The following ADAMTS10 variants were observed in gnomAD, a reference collection of about 807,000 sequenced individuals.
ADAMTS10 encodes ADAM metallopeptidase with thrombospondin type 1 motif 10.
Under a neutral mutation model 135.9 loss-of-function variants are expected in ADAMTS10, and 48 were observed. The ratio of observed to expected loss-of-function variants is 0.35; its 90% confidence interval spans 0.28 to 0.45. The LOEUF is 0.45. Among genes scored for constraint, ADAMTS10 ranks in the 20% least tolerant of loss-of-function variants. ADAMTS10 has a pLI of 1.00. For missense variants in ADAMTS10, 1,131 were observed against 1,565.2 expected, an observed-to-expected ratio of 0.72 and a Z score of 4.68; for synonymous variants, 621 against 647.5, an observed-to-expected ratio of 0.96 and a Z score of 0.62.
chr19:8,585,191 T>A lies in ADAMTS10; in HGVS notation c.2983A>T (p.Met995Leu). 4 of 1,417,196 alleles carry A rather than the reference T, an allele frequency of 2.8e-6. No homozygotes were observed. Among genetic ancestry groups the A allele is most frequent in the Non-Finnish European group, 3.7e-6 (4 of 1,090,232 alleles). The allele number at this position is 1,417,196 out of a possible 1,614,324, so 87.8% of individuals were successfully genotyped here. A position where few individuals can be genotyped will look rare whatever the true frequency, so the allele number is the denominator to read the frequency against. The change falls in exon 24 of 26, where the codon ATG (methionine) becomes TTG (leucine). Residue 995 changes from methionine to leucine, a missense_variant. Met to Leu is a conservative substitution (Grantham distance 15). Transcript: ENST00000597188. The part of the protein sequence containing the change: ...CSPAAKPPAT[M>L]RCNLRRCPPA... ...GGGCAGCGGCGCAAGTTGCAGCGCA[T>A]GGTGGCCGGTGGCTTGGCGGCGGGT...
At position 8,586,666 on chromosome 19, in the gene ADAMTS10, C is replaced by T. The variant is rs2042436081; in HGVS notation, c.2295G>A (p.Gln765=). The T allele has an allele frequency of 6.2e-7, 1 of 1,613,004 alleles. No individual in the cohort carries two copies. ...TCCCAGCTAGAGGCAGACGGTGGGGCTGGGGGGTCCCAGGCAGCCCCTCCA... is the reference window on the plus strand; with the variant it reads ...TCCCAGCTAGAGGCAGACGGTGGGGTTGGGGGGTCCCAGGCAGCCCCTCCA... ...LLLEGLPGTP[Q]PHRLPLAGTT... Residue 765 remains glutamine, a synonymous_variant, in exon 20 of 26, where the codon CAG becomes CAA. Coordinates refer to ENST00000597188, the MANE Select transcript of ADAMTS10 (RefSeq NM_030957.4).
intron 4 of ADAMTS10, 26 bp downstream of exon 4, chr19:8,604,986 C>G (rs782591099): frequency 1.9e-6 from 3 of 1,569,580 alleles, no homozygotes; most frequent in South Asian, 2.3e-5. Flanking sequence ...GGCATTTCCC[C>G]CCGCGTTCCA....
chr19:8,592,718 G>C, intron 13 of ADAMTS10, 45 bp downstream of exon 13: 2 of 1,566,046 alleles, frequency 1.3e-6, no homozygotes, highest in Non-Finnish European at 1.7e-6. Context: ...CGCGGGAGGT[G>C]GCTCAGGGGG....
intron 13 of ADAMTS10, chr19:8,592,339 A>G: frequency 1.3e-6 from 1 of 769,258 alleles, no homozygotes; most frequent in South Asian, 1.8e-5. Flanking sequence ...AGGGGTGTAG[A>G]CAGGACCACG....
At position 8,580,855 on chromosome 19, in the gene ADAMTS10, A is replaced by T. The variant is rs1555735598; in HGVS notation, c.*38T>A. 3 of 1,513,554 alleles carry T rather than the reference A, an allele frequency of 2.0e-6. No homozygotes were observed. Among genetic ancestry groups the T allele is most frequent in the East Asian group, 4.8e-5 (2 of 41,606 alleles). 93.8% of individuals were successfully genotyped at this position (1,513,554 alleles called of 1,614,324 possible). On this transcript the variant is annotated 3_prime_UTR_variant, in exon 26 of 26. Transcript: ENST00000597188. ...CGGCCCGCTGCAGGGCTGGCGGCGG[A>T]GACCCCGCCAGCTGTGGCTCCGGGT...
intron 1 of ADAMTS10, 28 bp downstream of exon 1, chr19:8,610,616 C>G (rs1409961242): frequency 6.6e-6 from 1 of 151,082 alleles, no homozygotes; most frequent in South Asian, 2.1e-4. Context: ...GAATCACGCA[C>G]CCCCGGGCCC....
In ADAMTS10 at chr19:8,606,303, T is replaced by A. The variant is rs983307735; in HGVS notation, c.-99-494A>T. On this transcript the variant is annotated intron_variant, in intron 2 of 25. Transcript: ENST00000597188. ...ATCTTGAACTCCTGGCCTCAAGGGA[T>A]CCTTTCACCTCAGCCTCCCAAAGCA... 2.0e-5 allele frequency among the ~76,000 whole-genome samples: 3 copies of A among 151,996 alleles called. No homozygotes were observed. In the South Asian group the frequency reaches 6.2e-4, roughly 32 times the overall value.
Position 8,589,597 on chromosome 19 carries a change from G to A in ADAMTS10, c.1901-12C>T, listed in dbSNP as rs782036045. On this transcript the variant is annotated splice_polypyrimidine_tract_variant and intron_variant, in intron 16 of 25. Coordinates refer to ENST00000597188, the MANE Select transcript of ADAMTS10 (RefSeq NM_030957.4). Reference sequence around the variant, plus strand: ...GGCCTTCACGCCCCCTGGGGGGCACGGCCCCGTCACACCACGGGCCAGGCC... The same window carrying A: ...GGCCTTCACGCCCCCTGGGGGGCACAGCCCCGTCACACCACGGGCCAGGCC... The A allele has an allele frequency of 1.7e-5, 28 of 1,612,990 alleles. No homozygotes were observed. The highest frequency in any genetic ancestry group is 1.3e-4 in the East Asian group (6 of 44,884).
At chr19:8,592,977 CAG>C in intron 12 of ADAMTS10, 107 bp from the exon 13 acceptor site, 1 of 1,052,942 alleles carries the variant, frequency 9.5e-7, no homozygotes, top group Non-Finnish European at 1.4e-6. Context: ...GGTCCCAGAG[CAG>C]AGAGCCCGGT....
intron 6 of ADAMTS10, 131 bp downstream of exon 6, chr19:8,600,797 C>T: frequency 8.2e-7 from 1 of 1,223,338 alleles, no homozygotes. Context: ...CGCGCCCGGC[C>T]TGCAACCTTC....
intron 15 of ADAMTS10, among the ~76,000 whole-genome samples, chr19:8,590,873 G>A (rs1466419258): frequency 6.6e-6 from 1 of 152,210 alleles, no homozygotes; most frequent in African/African-American, 2.4e-5. Flanking sequence ...TGGGATTATA[G>A]GTGTGAGCCA....
chr19:8,610,234 A>C (rs2042765854), intron 1 of ADAMTS10, among the ~76,000 whole-genome samples: 1 of 151,624 alleles, frequency 6.6e-6, no homozygotes, highest in Non-Finnish European at 1.5e-5. Flanking sequence ...TCACGGTCAG[A>C]GACAAACGCA....
chr19:8,592,183 C>T (rs1555739154), intron 13 of ADAMTS10, 80 bp from the exon 14 acceptor site: 1 of 1,601,720 alleles, frequency 6.2e-7, no homozygotes, highest in Non-Finnish European at 8.5e-7. Flanking sequence ...CCACTCCAGG[C>T]CCCAGCCAGA....
At position 8,596,013 on chromosome 19, in the gene ADAMTS10, G is replaced by C; in HGVS notation, c.1337+60C>G. ...GCATCCCTGATTTCTATCGTCTCCC[G>C]TGTACCCTGCCCCACCATGAGTGTG... On this transcript the variant is annotated intron_variant, in intron 11 of 25. Coordinates refer to ENST00000597188, the MANE Select transcript of ADAMTS10 (RefSeq NM_030957.4). This position sits in a 1 kb window ranked among gnomAD's most constrained non-coding sequence, Gnocchi z 7.2. 4.3e-6 allele frequency: 7 copies of C among 1,613,766 alleles called. No homozygotes were observed. The highest frequency in any genetic ancestry group is 5.9e-6 in the Non-Finnish European group (7 of 1,179,828).
chr19:8,581,268 A>G (rs981425812), intron 25 of ADAMTS10: 22 of 255,614 alleles, frequency 8.6e-5, no homozygotes, highest in Non-Finnish European at 1.5e-4. Flanking sequence ...TGAGCAAACC[A>G]CGCCTGACTT....
In ADAMTS10 at chr19:8,585,767, A is replaced by G. The variant is rs73922160; in HGVS notation, c.2661-107T>C. 0.013 allele frequency: 15,891 copies of G among 1,184,714 alleles called. 438 individuals are homozygous for G. Among genetic ancestry groups the G allele is most frequent in the African/African-American group, 0.11 (7,082 of 65,832 alleles). 73.4% of individuals were successfully genotyped at this position (1,184,714 alleles called of 1,614,324 possible). On this transcript the variant is annotated intron_variant, in intron 22 of 25. Coordinates refer to ENST00000597188, the MANE Select transcript of ADAMTS10 (RefSeq NM_030957.4). The stretch of plus-strand genomic sequence containing the variant: ...CACCCTTCCAATCACCCAGCCTCAT[A>G]TGGAAACTGGCACCAGGCACCTCCA...
At chr19:8,583,839 A>G (rs2042385924) in intron 25 of ADAMTS10, among the ~76,000 whole-genome samples, 1 of 151,526 alleles carries the variant, frequency 6.6e-6, no homozygotes, top group Non-Finnish European at 1.5e-5. Context: ...CGTGGGTGAC[A>G]AAGTGAGTCC....
Position 8,596,034 on chromosome 19 carries a change from G to A in ADAMTS10, c.1337+39C>T. On this transcript the variant is annotated intron_variant, in intron 11 of 25. Coordinates refer to ENST00000597188, the MANE Select transcript of ADAMTS10 (RefSeq NM_030957.4). This position sits in a 1 kb window ranked among gnomAD's most constrained non-coding sequence, Gnocchi z 7.2. ...TCCCGTGTACCCTGCCCCACCATGAGTGTGACCCGCTCTGAGGGACACCCA... is the reference window on the plus strand; with the variant it reads ...TCCCGTGTACCCTGCCCCACCATGAATGTGACCCGCTCTGAGGGACACCCA... The A allele has an allele frequency of 1.2e-6, 2 of 1,614,030 alleles. No homozygotes were observed. Among genetic ancestry groups the A allele is most frequent in the Non-Finnish European group, 1.7e-6 (2 of 1,179,944 alleles).
Position 8,586,667 on chromosome 19 carries a change from T to TG in ADAMTS10, c.2293dup (p.Gln765ProfsTer31), listed in dbSNP as rs782743337. On this transcript the variant is annotated frameshift_variant, in exon 20 of 26. Coordinates refer to ENST00000597188, the MANE Select transcript of ADAMTS10 (RefSeq NM_030957.4). LOFTEE classifies it high-confidence loss of function. ...CCCAGCTAGAGGCAGACGGTGGGGC[T>TG]GGGGGGTCCCAGGCAGCCCCTCCAG... 2 of 1,613,074 alleles carry TG rather than the reference T, an allele frequency of 1.2e-6. No individual in the cohort carries two copies. The highest frequency in any genetic ancestry group is 1.7e-6 in the Non-Finnish European group (2 of 1,179,244).
Sources: allele counts gnomAD v4.1 joint callset (sites outside exome capture counted in the v4.1 genomes callset), GRCh38; gene constraint gnomAD v4.1.1; non-coding constraint Gnocchi (gnomAD v3.1); transcripts MANE v1.5; gene names NCBI Gene and HGNC (gene_info 2026-07-23, HGNC 2026-07-21).